FMO5: variants seen among roughly 807,000 people sequenced by gnomAD.
FMO5 encodes the protein flavin-containing monooxygenase 5.
In FMO5, 51 loss-of-function variants were observed where a neutral mutation model predicts 43.6. That is an observed-to-expected ratio of 1.17 (90% CI 0.93 to 1.48). The LOEUF is 1.48. Among genes scored for constraint, FMO5 ranks in the 40% most tolerant of loss-of-function variants. FMO5 has a pLI of 0.00. For synonymous variants in FMO5, 187 were observed against 216.5 expected, an observed-to-expected ratio of 0.86 and a Z score of 1.20; for missense variants, 644 against 643.0, an observed-to-expected ratio of 1.00 and a Z score of -0.02.
At chr1:147,200,628 G>A (rs1658813768) in intron 7 of FMO5, among the ~76,000 whole-genome samples, 1 of 151,080 alleles carries the variant, frequency 6.6e-6, no homozygotes, top group Non-Finnish European at 1.5e-5. Context: ...AAAACTGAAA[G>A]AGGGGACATA....
chr1:147,203,386 G>A (rs1659394468), intron 6 of FMO5: 3 of 1,059,498 alleles, frequency 2.8e-6, no homozygotes, highest in Admixed American at 3.4e-5. Context: ...TGCAGCATTA[G>A]CAGCGAGTTT....
Position 147,212,395 on chromosome 1 carries a change from GC to G in FMO5, c.627del (p.Lys209AsnfsTer14). On this transcript the variant is annotated frameshift_variant, in exon 5 of 9. Coordinates refer to ENST00000254090, the MANE Select transcript of FMO5 (RefSeq NM_001461.4). LOFTEE classifies it high-confidence loss of function. The stretch of plus-strand genomic sequence containing the variant: ...AATAATAATTGAGTGATTCAAACCT[GC>G]TTGGCTGTTTGGCTAATCTCTACAG... The part of the protein sequence containing the change: ...DLAVEISQTA[K>X]QVFLSTRRGA... 6.2e-7 allele frequency: 1 copy of G among 1,613,898 alleles called. No homozygotes were observed.
intron 5 of FMO5, among the ~76,000 whole-genome samples, chr1:147,209,463 A>G (rs1553923346): frequency 6.9e-6 from 1 of 144,590 alleles, no homozygotes; most frequent in East Asian, 2.0e-4. Flanking sequence ...AAGAGTTCAA[A>G]CTCATTAGTC....
intron 4 of FMO5, 33 bp from the exon 5 acceptor site, chr1:147,212,568 T>C: frequency 6.3e-7 from 1 of 1,589,816 alleles, no homozygotes; most frequent in Non-Finnish European, 8.6e-7. Context: ...TATTGGGTAA[T>C]GGTTTACATG....
rs782639176 is a variant in FMO5, at chr1:147,213,477, A to C, written c.325-7T>G. 6.3e-7 allele frequency: 1 copy of C among 1,594,990 alleles called. No homozygotes were observed. The highest frequency in any genetic ancestry group is 1.3e-5 in the African/African-American group (1 of 74,646). On this transcript the variant is annotated splice_polypyrimidine_tract_variant and splice_region_variant and intron_variant, in intron 3 of 8. Coordinates refer to ENST00000254090, the MANE Select transcript of FMO5 (RefSeq NM_001461.4). Reference sequence around the variant, plus strand: ...TCACACTGCACACAGTGGTCTGAAAAGAAAAGTGATAACCACAGGGGACAT... The same window carrying C: ...TCACACTGCACACAGTGGTCTGAAACGAAAAGTGATAACCACAGGGGACAT...
At chr1:147,189,314 A>G (rs1475385309) in intron 8 of FMO5, among the ~76,000 whole-genome samples, 2 of 151,978 alleles carry the variant, frequency 1.3e-5, no homozygotes, top group Admixed American at 1.3e-4. Context: ...ATGGAAGTTA[A>G]CAATGCAGAA....
At chr1:147,202,876 C>G (rs1222215826) in intron 6 of FMO5, among the ~76,000 whole-genome samples, 1 of 152,118 alleles carries the variant, frequency 6.6e-6, no homozygotes, top group Non-Finnish European at 1.5e-5. Flanking sequence ...TATATCTGGT[C>G]ACCAAGCCTT....
At chr1:147,226,739 G>A (rs140718931), upstream of FMO5, among the ~76,000 whole-genome samples, 1 of 152,274 alleles carries the variant, frequency 6.6e-6, no homozygotes, top group African/African-American at 2.4e-5. Flanking sequence ...TTTTTCATGA[G>A]AGGCAACTGA....
intron 7 of FMO5, among the ~76,000 whole-genome samples, chr1:147,197,352 A>C (rs1211885437): frequency 2.0e-5 from 3 of 152,112 alleles, no homozygotes; most frequent in African/African-American, 7.2e-5. Flanking sequence ...GCACTTGTTT[A>C]GGATATAGTT....
chr1:147,187,385 G>A lies in FMO5; in HGVS notation c.1257-140C>T, dbSNP rs144979421. On this transcript the variant is annotated intron_variant, in intron 8 of 8. Coordinates refer to ENST00000254090, the MANE Select transcript of FMO5 (RefSeq NM_001461.4). ...TATAGAGAAGAAAGATAAAACATTG[G>A]TCACTGTCCTTAAGGATCTTAGGAC... is the stretch of plus-strand genomic sequence containing the variant. 210 of 636,902 alleles carry A rather than the reference G, an allele frequency of 3.3e-4. No homozygotes were observed. The African/African-American group carries it at 3.3e-3, about 10-fold the overall frequency. 39.5% of individuals were successfully genotyped at this position (636,902 alleles called of 1,614,324 possible). A position where few individuals can be genotyped will look rare whatever the true frequency, so the allele number is the denominator to read the frequency against.
chr1:147,184,986 A>AT (rs1655493321), downstream of FMO5, among the ~76,000 whole-genome samples: 1 of 152,044 alleles, frequency 6.6e-6, no homozygotes, highest in Non-Finnish European at 1.5e-5. The surrounding 1 kb of genome is among the most constrained non-coding windows in gnomAD (Gnocchi z 4.4). Flanking sequence ...ATATATATAT[A>AT]TTTTTGTAAT....
intron 6 of FMO5, chr1:147,204,562 G>GAC (rs1659624348): frequency 6.3e-7 from 1 of 1,587,382 alleles, no homozygotes; most frequent in Non-Finnish European, 8.6e-7. Flanking sequence ...CTCTGAAACT[G>GAC]ACAGGCCAAT....
rs1353092187 is a variant in FMO5 at position 147,196,192 on chromosome 1, C to A, written c.1183+4960G>T. 3.9e-5 allele frequency among the ~76,000 whole-genome samples: 6 copies of A among 152,182 alleles called. No individual in the cohort carries two copies. The East Asian group carries it at 9.7e-4, about 24-fold the overall frequency. ...TACTCTAATAACTATCCTGGTGTAT[C>A]CCTCTTAAAATATGGAACTCAGAAG... On this transcript the variant is annotated intron_variant, in intron 7 of 8. Coordinates refer to ENST00000254090, the MANE Select transcript of FMO5 (RefSeq NM_001461.4).
chr1:147,224,946 T>C lies in FMO5; in HGVS notation c.84A>G (p.Glu28=), dbSNP rs782383966. The C allele has an allele frequency of 1.9e-5, 30 of 1,613,888 alleles. No individual in the cohort carries two copies. The highest frequency in any genetic ancestry group is 2.5e-5 in the Non-Finnish European group (30 of 1,179,956). Residue 28 remains glutamate, a synonymous_variant, in exon 2 of 9, where the codon GAA becomes GAG. Coordinates refer to ENST00000254090, the MANE Select transcript of FMO5 (RefSeq NM_001461.4). ...SIKCCVEEGL[E]PVCFERTDDI... ...CATCAGTCCTTTCAAAGCAGACAGG[T>C]TCCAAGCCTTCTTCTACGCAGCACT...
At chr1:147,199,308 G>A (rs947981161) in intron 7 of FMO5, among the ~76,000 whole-genome samples, 1 of 152,118 alleles carries the variant, frequency 6.6e-6, no homozygotes, top group Non-Finnish European at 1.5e-5. Flanking sequence ...GAAGAGAAAG[G>A]CAAGAATGTG....
intron 7 of FMO5, among the ~76,000 whole-genome samples, chr1:147,194,706 G>T (rs1197354016): frequency 6.6e-6 from 1 of 151,934 alleles, no homozygotes; most frequent in Non-Finnish European, 1.5e-5. Context: ...AGGCCTGGTG[G>T]TCACAAAATC....
intron 7 of FMO5, among the ~76,000 whole-genome samples, chr1:147,199,722 C>T (rs782206924): frequency 3.8e-4 from 58 of 152,138 alleles, no homozygotes; most frequent in Non-Finnish European, 7.6e-4. Flanking sequence ...TTGCGTTTGA[C>T]TACTTGTATA....
downstream of FMO5, among the ~76,000 whole-genome samples, chr1:147,185,788 G>A (rs1655564537): frequency 6.6e-6 from 1 of 152,162 alleles, no homozygotes; most frequent in Non-Finnish European, 1.5e-5. Flanking sequence ...ATTTCTCCAT[G>A]AAACAAGAAC....
chr1:147,189,090 A>G (rs1183525203), intron 8 of FMO5, among the ~76,000 whole-genome samples: 1 of 152,070 alleles, frequency 6.6e-6, no homozygotes, highest in Non-Finnish European at 1.5e-5. Context: ...CCTGGCCAAC[A>G]TGGAGAAATC....
Sources: gnomAD v4.1 joint callset for allele counts (sites outside exome capture counted in the v4.1 genomes callset) on GRCh38, gnomAD v4.1.1 for gene constraint, Gnocchi (gnomAD v3.1) non-coding constraint, MANE v1.5 for transcripts, NCBI Gene and HGNC (gene_info 2026-07-23, HGNC 2026-07-21) for gene names.